Variants in EXPH5 observed in about 807,000 individuals in gnomAD.
EXPH5 encodes exophilin 5.
A neutral mutation model predicts 41.1 loss-of-function variants in EXPH5; 42 were observed. The observed-to-expected ratio is 1.02, with a 90% confidence interval of 0.80 to 1.32. EXPH5 has a LOEUF of 1.32. EXPH5 is among the 40% of genes most tolerant of loss of function. The probability of loss-of-function intolerance (pLI) is 0.00; values close to 1 mark genes in which losing one functional copy is unlikely to be tolerated. For missense variants in EXPH5, 2,298 were observed against 2,314.5 expected, an observed-to-expected ratio of 0.99 and a Z score of 0.15; for synonymous variants, 798 against 833.5, an observed-to-expected ratio of 0.96 and a Z score of 0.73.
intron 2 of EXPH5, among the ~76,000 whole-genome samples, chr11:108,539,570 A>G (rs2093901077): frequency 6.6e-6 from 1 of 152,246 alleles, no homozygotes; most frequent in Non-Finnish European, 1.5e-5. Flanking sequence ...TACATACTAC[A>G]TAACTTCTTA....
intron 2 of EXPH5, among the ~76,000 whole-genome samples, chr11:108,540,882 C>T (rs996595351): frequency 6.6e-6 from 1 of 151,036 alleles, no homozygotes; most frequent in Admixed American, 6.6e-5. Context: ...TAAGTGCTTA[C>T]CCTGTTCCAG....
Position 108,539,041 on chromosome 11 carries a change from T to A in EXPH5, c.426A>T (p.Pro142=), listed in dbSNP as rs1368891505. ...TAACTCACCCTTTCTGTCCCAGTGA[T>A]GGAAGCTTTGAAGTCTCCTTTCCAG... The part of the protein sequence containing the change: ...RKSGKETSKL[P]SLGQKGCDGH... The change falls in exon 3 of 6, where the codon CCA becomes CCT. Residue 142 remains proline (P), a synonymous_variant. Coordinates refer to ENST00000265843, the MANE Select transcript of EXPH5 (RefSeq NM_015065.3). 1.3e-6 allele frequency: 2 copies of A among 1,598,040 alleles called. No homozygotes were observed. The highest frequency in any genetic ancestry group is 1.7e-6 in the Non-Finnish European group (2 of 1,171,440).
At position 108,592,141 on chromosome 11, in the gene EXPH5, C is replaced by T. The variant is rs571653601; in HGVS notation, c.119+1277G>A. On this transcript the variant is annotated intron_variant, in intron 1 of 5. Transcript: ENST00000265843. Reference sequence around the variant, plus strand: ...GTGTGTGGGTGTGGCATACTGTTCTCCTGAAGGCACACTTTCTACACTGTT... The same window carrying T: ...GTGTGTGGGTGTGGCATACTGTTCTTCTGAAGGCACACTTTCTACACTGTT... 4.1e-3 allele frequency among the ~76,000 whole-genome samples: 627 copies of T among 152,182 alleles called. 4 individuals are homozygous for T. The highest frequency in any genetic ancestry group is 0.014 in the African/African-American group (584 of 41,522).
chr11:108,550,410 C>T (rs1316487343), intron 1 of EXPH5, among the ~76,000 whole-genome samples: 1 of 152,192 alleles, frequency 6.6e-6, no homozygotes, highest in Non-Finnish European at 1.5e-5. Context: ...CGGCAACCCA[C>T]CCAGCTGAGC....
chr11:108,563,352 G>T (rs572218621), intron 1 of EXPH5, among the ~76,000 whole-genome samples: 2 of 152,316 alleles, frequency 1.3e-5, no homozygotes, highest in East Asian at 1.9e-4. Context: ...ACTGTGTCCC[G>T]TGGAGAAGAT....
At chr11:108,582,326 G>T (rs1438725097) in intron 1 of EXPH5, among the ~76,000 whole-genome samples, 1 of 152,112 alleles carries the variant, frequency 6.6e-6, no homozygotes, top group Admixed American at 6.5e-5. Context: ...TTAGCTGGGC[G>T]TGGTGGCACA....
chr11:108,549,627 G>T (rs1415639450), intron 1 of EXPH5, among the ~76,000 whole-genome samples: 1 of 152,208 alleles, frequency 6.6e-6, no homozygotes, highest in African/African-American at 2.4e-5. Context: ...GTCATTGTGT[G>T]TAAGTAATCC....
chr11:108,525,643 G>A (rs1398675756), intron 4 of EXPH5, among the ~76,000 whole-genome samples: 2 of 152,084 alleles, frequency 1.3e-5, no homozygotes, highest in Non-Finnish European at 2.9e-5. Flanking sequence ...AACTTCCCAT[G>A]AAATAGTGGA....
intron 2 of EXPH5, 81 bp downstream of exon 2, chr11:108,541,571 G>T: frequency 1.2e-6 from 1 of 844,314 alleles, no homozygotes; most frequent in Non-Finnish European, 1.8e-6. Flanking sequence ...TGGTTACATT[G>T]GAGATCCACT....
chr11:108,536,653 C>A (rs527358987), intron 3 of EXPH5, among the ~76,000 whole-genome samples: 1 of 152,082 alleles, frequency 6.6e-6, no homozygotes, highest in African/African-American at 2.4e-5. Flanking sequence ...CTTGAAGATA[C>A]CATATACTTT....
At chr11:108,590,912 C>A (rs2094126005) in intron 1 of EXPH5, among the ~76,000 whole-genome samples, 1 of 152,200 alleles carries the variant, frequency 6.6e-6, no homozygotes, top group Non-Finnish European at 1.5e-5. Flanking sequence ...CTCAGTCTCC[C>A]AAAGCACTGG....
intron 1 of EXPH5, among the ~76,000 whole-genome samples, chr11:108,544,531 T>C (rs1215599605): frequency 1.3e-5 from 2 of 152,208 alleles, no homozygotes; most frequent in Non-Finnish European, 2.9e-5. Context: ...CTTCCACGGT[T>C]GTGTACATAT....
chr11:108,512,775 G>A lies in EXPH5; in HGVS notation c.2732C>T (p.Pro911Leu). 6.2e-7 allele frequency: 1 copy of A among 1,613,836 alleles called. No homozygotes were observed. Among genetic ancestry groups the A allele is most frequent in the African/African-American group, 1.3e-5 (1 of 75,006 alleles). ...TCCTAGCGATGGATCTTTGTCTGAA[G>A]GACTTCTCCTGGAGAACACTGTAGT... ...PSTTVFSRRS[P>L]SDKDPSLGER... Residue 911 changes from proline to leucine, a missense_variant, in exon 6 of 6, where the codon CCT becomes CTT. Physicochemically the swap from Pro to Leu is moderately conservative, Grantham distance 98. Coordinates refer to ENST00000265843, the MANE Select transcript of EXPH5 (RefSeq NM_015065.3).
At chr11:108,534,242 T>G (rs1221703806) in intron 3 of EXPH5, among the ~76,000 whole-genome samples, 1 of 152,218 alleles carries the variant, frequency 6.6e-6, no homozygotes, top group African/African-American at 2.4e-5. Flanking sequence ...TGTACACACA[T>G]GGAAATATGC....
chr11:108,533,174 C>T (rs1231231254), intron 3 of EXPH5, among the ~76,000 whole-genome samples: 1 of 151,962 alleles, frequency 6.6e-6, no homozygotes, highest in Non-Finnish European at 1.5e-5. Flanking sequence ...TTACCCACCA[C>T]ATTCATTTGT....
chr11:108,591,177 T>C (rs2094126703), intron 1 of EXPH5, among the ~76,000 whole-genome samples: 1 of 152,236 alleles, frequency 6.6e-6, no homozygotes. Flanking sequence ...CTCTTTTTTG[T>C]TGTTGTTCAC....
At chr11:108,598,627 G>C (rs533300613), upstream of EXPH5, among the ~76,000 whole-genome samples, 1 of 152,184 alleles carries the variant, frequency 6.6e-6, no homozygotes, top group East Asian at 1.9e-4. Flanking sequence ...CACATAAGCG[G>C]TGACCTGAGG....
At chr11:108,606,870 T>C in the EXPH5 span, among the ~76,000 whole-genome samples, 7 of 111,612 alleles carry the variant, frequency 6.3e-5, no homozygotes, top group African/African-American at 2.6e-4. Flanking sequence ...TCATACCACT[T>C]ACAGATTTTT....
chr11:108,562,898 G>A (rs150779295), intron 1 of EXPH5, among the ~76,000 whole-genome samples: 110 of 152,318 alleles, frequency 7.2e-4, no homozygotes, highest in African/African-American at 2.5e-3. Flanking sequence ...TCATTCATGT[G>A]TTTTAAAGCA....
Sources: allele counts gnomAD v4.1 joint callset (sites outside exome capture counted in the v4.1 genomes callset), GRCh38; gene constraint gnomAD v4.1.1; transcripts MANE v1.5; gene names NCBI Gene and HGNC (gene_info 2026-07-23, HGNC 2026-07-21).